TMEM17: variants seen among roughly 807,000 people sequenced by gnomAD.
TMEM17 encodes transmembrane protein 17.
TMEM17 carries 15 observed loss-of-function variants against 19.1 expected under a neutral mutation model. That is an observed-to-expected ratio of 0.78 (90% CI 0.52 to 1.21). The LOEUF is 1.21. Ranked by LOEUF, TMEM17 falls within the 50% of genes most tolerant of loss-of-function variation. The pLI is 0.00. For missense variants in TMEM17, 245 were observed against 242.3 expected (o/e 1.01, Z -0.07); for synonymous variants, 103 against 86.9 (o/e 1.19, Z -1.03).
the TMEM17 span, among the ~76,000 whole-genome samples, chr2:62,488,792 CTTTTTTTTTT>C: frequency 5.0e-5 from 6 of 119,024 alleles, no homozygotes; most frequent in Non-Finnish European, 8.6e-5. Context: ...TTTTATTCTA[CTTTTTTTTTT>C]TTTTTTTTTT....
At chr2:62,454,860 C>G in the TMEM17 span, among the ~76,000 whole-genome samples, 11 of 152,254 alleles carry the variant, frequency 7.2e-5, no homozygotes, top group East Asian at 1.9e-3. Context: ...CCTGCCACCA[C>G]GCCTGGATAA....
chr2:62,502,521 G>C lies in TMEM17; in HGVS notation c.234C>G (p.Phe78Leu), dbSNP rs1454689429. 10 of 1,611,224 alleles carry C rather than the reference G, an allele frequency of 6.2e-6. No individual in the cohort carries two copies. Among genetic ancestry groups the C allele is most frequent in the Non-Finnish European group, 7.6e-6 (9 of 1,178,242 alleles). ...KYSILPDYYK[F>L]IVITVIILIT... ...TTAGGATGATAACAGTGATCACAAT[G>C]AATTTGTAGTAGTCAGGTAAGATTG... The change falls in exon 3 of 4, where the codon TTC becomes TTG. Residue 78 changes from phenylalanine (F) to leucine (L), a missense_variant. By Grantham distance (22) the Phe-to-Leu change is conservative. Coordinates refer to ENST00000335390, the MANE Select transcript of TMEM17 (RefSeq NM_198276.3).
At chr2:62,492,472 G>A in the TMEM17 span, among the ~76,000 whole-genome samples, 132,965 of 152,262 alleles carry the variant, frequency 0.87, 58,181 homozygotes, top group East Asian at 0.94. Context: ...TTATCTTAAC[G>A]TAAAAGTGGT....
In TMEM17 at chr2:62,501,597, G is replaced by A. The variant is rs991995870; in HGVS notation, c.319-110C>T. On this transcript the variant is annotated intron_variant, in intron 3 of 3. Transcript: ENST00000335390. ...TGAACCTACATTATGGGCTCTGTGA[G>A]TGATTCCAAAGGAGGATGACATGGT... The A allele has an allele frequency of 2.3e-4, 252 of 1,098,114 alleles. 1 individual carries two copies. Among genetic ancestry groups the A allele is most frequent in the Admixed American group, 4.2e-4 (15 of 35,912 alleles). The allele number at this position is 1,098,114 out of a possible 1,614,324, so 68.0% of individuals were successfully genotyped here.
At chr2:62,504,135 A>G (rs72805589) in intron 1 of TMEM17, among the ~76,000 whole-genome samples, 17,382 of 152,264 alleles carry the variant, frequency 0.11, 1,244 homozygotes, top group Admixed American at 0.15. Context: ...TTATTTTAAA[A>G]TATAAGAAAT....
the TMEM17 span, among the ~76,000 whole-genome samples, chr2:62,484,049 C>T: frequency 6.6e-6 from 1 of 152,222 alleles, no homozygotes; most frequent in South Asian, 2.1e-4. Context: ...ACAGTTATCA[C>T]CATTTTAAAG....
chr2:62,457,400 T>G, the TMEM17 span, among the ~76,000 whole-genome samples: 1 of 151,944 alleles, frequency 6.6e-6, no homozygotes, highest in Non-Finnish European at 1.5e-5. The surrounding 1 kb of genome is among the most constrained non-coding windows in gnomAD (Gnocchi z 4.2). Flanking sequence ...AAGGGCTGGG[T>G]GCGGCGGGAA....
the TMEM17 span, among the ~76,000 whole-genome samples, chr2:62,460,048 G>C: frequency 3.7e-4 from 56 of 152,360 alleles, no homozygotes; most frequent in South Asian, 3.5e-3. Flanking sequence ...GAAAATAGGG[G>C]AGAGTGGGGC....
At chr2:62,456,366 C>G in the TMEM17 span, among the ~76,000 whole-genome samples, 1 of 152,196 alleles carries the variant, frequency 6.6e-6, no homozygotes, top group Non-Finnish European at 1.5e-5. Context: ...GGCCTCTTAC[C>G]CATCTTCAAA....
the TMEM17 span, among the ~76,000 whole-genome samples, chr2:62,471,758 A>G: frequency 6.6e-6 from 1 of 152,234 alleles, no homozygotes; most frequent in African/African-American, 2.4e-5. Context: ...CTGAGGCTGG[A>G]AGCCAGGGTA....
chr2:62,468,005 C>A, the TMEM17 span, among the ~76,000 whole-genome samples: 1 of 151,838 alleles, frequency 6.6e-6, no homozygotes, highest in South Asian at 2.1e-4. Context: ...AGCATGCCCT[C>A]TGCTGGGTCT....
the TMEM17 span, among the ~76,000 whole-genome samples, chr2:62,492,513 T>A: frequency 5.3e-5 from 8 of 152,248 alleles, no homozygotes; most frequent in African/African-American, 1.9e-4. Flanking sequence ...TTCATTTTCA[T>A]GCCACAAAGA....
chr2:62,502,379 G>A, intron 3 of TMEM17, 58 bp downstream of exon 3: 1 of 1,247,624 alleles, frequency 8.0e-7, no homozygotes, highest in Non-Finnish European at 1.2e-6. Context: ...CCTTTTACTT[G>A]TTATGAAAAC....
the TMEM17 span, among the ~76,000 whole-genome samples, chr2:62,490,011 G>A: frequency 2.0e-5 from 3 of 151,806 alleles, no homozygotes; most frequent in African/African-American, 7.3e-5. Context: ...CCTGTCTCTA[G>A]TAAAAATACA....
the TMEM17 span, among the ~76,000 whole-genome samples, chr2:62,485,251 G>A: frequency 0.063 from 9,624 of 152,284 alleles, 390 homozygotes; most frequent in East Asian, 0.15. Context: ...GATTCATAAT[G>A]TCTATTGCAT....
At chr2:62,454,755 G>C in the TMEM17 span, among the ~76,000 whole-genome samples, 1 of 152,278 alleles carries the variant, frequency 6.6e-6, no homozygotes, top group South Asian at 2.1e-4. Flanking sequence ...CCAGGCTGGA[G>C]TGCAGTGGCA....
At chr2:62,469,750 A>G in the TMEM17 span, among the ~76,000 whole-genome samples, 14 of 152,342 alleles carry the variant, frequency 9.2e-5, no homozygotes, top group East Asian at 1.9e-3. Flanking sequence ...GAAAGTGTGC[A>G]AGGAGGCCCA....
In TMEM17 at chr2:62,502,492, G is replaced by T; in HGVS notation, c.263C>A (p.Thr88Asn). The change falls in exon 3 of 4, where the codon ACC (threonine) becomes AAC (asparagine). Residue 88 changes from threonine (T) to asparagine (N), a missense_variant. Physicochemically the swap from Thr to Asn is moderately conservative, Grantham distance 65 (BLOSUM62 0). Coordinates refer to ENST00000335390, the MANE Select transcript of TMEM17 (RefSeq NM_198276.3). ...ATACAACCGGATGGCTTCAATTAAG[G>T]TTATTAGGATGATAACAGTGATCAC... Reference protein sequence around the residue: ...FIVITVIILITLIEAIRLYLG... With the variant: ...FIVITVIILINLIEAIRLYLG... The T allele has an allele frequency of 6.2e-7, 1 of 1,613,278 alleles. No individual in the cohort carries two copies. The highest frequency in any genetic ancestry group is 8.5e-7 in the Non-Finnish European group (1 of 1,179,356).
downstream of TMEM17, among the ~76,000 whole-genome samples, chr2:62,495,973 C>G (rs1212596495): frequency 6.6e-6 from 1 of 152,208 alleles, no homozygotes; most frequent in Non-Finnish European, 1.5e-5. Flanking sequence ...ATCTCACTGT[C>G]TGTTGCTGAC....
Sources: allele counts gnomAD v4.1 joint callset (sites outside exome capture counted in the v4.1 genomes callset), GRCh38; gene constraint gnomAD v4.1.1; non-coding constraint Gnocchi (gnomAD v3.1); transcripts MANE v1.5; gene names NCBI Gene and HGNC (gene_info 2026-07-23, HGNC 2026-07-21).